The following SCGB2B2 variants were observed in gnomAD, a reference collection of about 807,000 sequenced individuals.
SCGB2B2 encodes secretoglobin family 2B member 2.
In SCGB2B2, 11 loss-of-function variants were observed where a neutral mutation model predicts 7.6. The observed-to-expected ratio is 1.45, with a 90% CI of 0.91 to 2.40. The LOEUF is 2.40. SCGB2B2 is among the 30% of genes most tolerant of loss of function. The pLI is 0.00. For missense variants in SCGB2B2, 104 were observed against 115.4 expected (o/e 0.90, Z 0.45); for synonymous variants, 50 against 48.6 (o/e 1.03, Z -0.12).
chr19:34,644,678 T>G (rs765938204), intron 1 of SCGB2B2, among the ~76,000 whole-genome samples: 1 of 152,242 alleles, frequency 6.6e-6, no homozygotes, highest in Non-Finnish European at 1.5e-5. Flanking sequence ...CACTTCGTTT[T>G]ATTTCTTAAG....
chr19:34,623,484 G>A (rs1274817919), intron 1 of SCGB2B2, among the ~76,000 whole-genome samples: 2 of 152,136 alleles, frequency 1.3e-5, no homozygotes, highest in Non-Finnish European at 2.9e-5. Flanking sequence ...CTGGGTCCTG[G>A]TGGCCATCAA....
At chr19:34,661,522 C>A (rs2067457017) in intron 1 of SCGB2B2, among the ~76,000 whole-genome samples, 1 of 152,208 alleles carries the variant, frequency 6.6e-6, no homozygotes, top group Non-Finnish European at 1.5e-5. Flanking sequence ...AGTAGAAGGA[C>A]TCCCTCTGCC....
rs1469284890 is a variant in SCGB2B2 at position 34,592,597 on chromosome 19, C to T, written c.*958G>A. 6.6e-6 allele frequency among the ~76,000 whole-genome samples: 1 copy of T among 152,028 alleles called. No homozygotes were observed. Among genetic ancestry groups the T allele is most frequent in the Non-Finnish European group, 1.5e-5 (1 of 67,992 alleles). On this transcript the variant is annotated 3_prime_UTR_variant, in exon 4 of 4. Coordinates refer to ENST00000601241, the MANE Select transcript of SCGB2B2 (RefSeq NM_001025591.4). ...AAAGGGCTTGAGGTTTGGGGAGGGACCTCCCCCAGAAGGAGTTGATGGAGC... is the reference window on the plus strand; with the variant it reads ...AAAGGGCTTGAGGTTTGGGGAGGGATCTCCCCCAGAAGGAGTTGATGGAGC...
intron 1 of SCGB2B2, among the ~76,000 whole-genome samples, chr19:34,612,262 C>T (rs2065954320): frequency 6.6e-6 from 1 of 151,600 alleles, no homozygotes; most frequent in Admixed American, 6.6e-5. Flanking sequence ...TGGTCTTGAT[C>T]TCCTGACATC....
At chr19:34,648,083 G>A (rs1406781665) in intron 1 of SCGB2B2, among the ~76,000 whole-genome samples, 2 of 152,198 alleles carry the variant, frequency 1.3e-5, no homozygotes, top group Non-Finnish European at 2.9e-5. Context: ...AGCCTGGGGA[G>A]AAGCAGGTTT....
chr19:34,668,734 T>C (rs2146194313), intron 1 of SCGB2B2, among the ~76,000 whole-genome samples: 1 of 152,306 alleles, frequency 6.6e-6, no homozygotes, highest in Non-Finnish European at 1.5e-5. Flanking sequence ...CTAGCTACTC[T>C]GGTGGGGACT....
intron 1 of SCGB2B2, among the ~76,000 whole-genome samples, chr19:34,620,571 C>G (rs1487816033): frequency 6.6e-6 from 1 of 151,650 alleles, no homozygotes; most frequent in Non-Finnish European, 1.5e-5. Context: ...ATGTAAATGA[C>G]AAGTTAATGG....
At chr19:34,589,495 A>T (rs2065250962), downstream of SCGB2B2, among the ~76,000 whole-genome samples, 1 of 152,136 alleles carries the variant, frequency 6.6e-6, no homozygotes, top group South Asian at 2.1e-4. Context: ...TTTGTATCCT[A>T]TTAGTAGGTC....
At chr19:34,596,696 AG>A in intron 1 of SCGB2B2, 102 bp from the exon 2 acceptor site, 1 of 152,400 alleles carries the variant, frequency 6.6e-6, no homozygotes. Context: ...GACCCTCCCC[AG>A]GGGGAAAAGC....
chr19:34,637,742 A>T (rs2066726203), intron 1 of SCGB2B2: 2 of 152,234 alleles, frequency 1.3e-5, no homozygotes, highest in Admixed American at 1.3e-4. Context: ...AGAGAGGAAA[A>T]TAATGAATGT....
chr19:34,612,504 T>C (rs1271835685), intron 1 of SCGB2B2, among the ~76,000 whole-genome samples: 1 of 152,248 alleles, frequency 6.6e-6, no homozygotes, highest in Non-Finnish European at 1.5e-5. Flanking sequence ...CCCAATCATA[T>C]TCTTTTCATC....
In SCGB2B2 at chr19:34,596,435, G is replaced by C. The variant is rs190607812; in HGVS notation, c.-1872C>G. 15 of 153,022 alleles carry C rather than the reference G, an allele frequency of 9.8e-5. No individual in the cohort carries two copies. Among genetic ancestry groups the C allele is most frequent in the African/African-American group, 3.6e-4 (15 of 41,600 alleles). The allele number at this position is 153,022 out of a possible 1,614,324, so 9.5% of individuals were successfully genotyped here. A position where few individuals can be genotyped will look rare whatever the true frequency, so the allele number is the denominator to read the frequency against. Reference sequence around the variant, plus strand: ...TGTGCGGGACGAGGCTTGGGTGCACGTGTGTGAGAATGGGATTTTGTGTGT... The same window carrying C: ...TGTGCGGGACGAGGCTTGGGTGCACCTGTGTGAGAATGGGATTTTGTGTGT... On this transcript the variant is annotated 5_prime_UTR_variant, in exon 2 of 4. Coordinates refer to ENST00000601241, the MANE Select transcript of SCGB2B2 (RefSeq NM_001025591.4).
intron 1 of SCGB2B2, among the ~76,000 whole-genome samples, chr19:34,673,574 T>C (rs1177918931): frequency 2.6e-5 from 4 of 152,186 alleles, no homozygotes; most frequent in African/African-American, 7.2e-5. Flanking sequence ...TTTTCTTATA[T>C]AGGGGTCTTA....
intron 1 of SCGB2B2, among the ~76,000 whole-genome samples, chr19:34,603,470 C>T (rs563898788): frequency 1.3e-5 from 2 of 152,278 alleles, no homozygotes; most frequent in South Asian, 4.1e-4. Flanking sequence ...TGTCCATACA[C>T]CACTCACTGC....
chr19:34,622,638 A>G (rs112561085), intron 1 of SCGB2B2, among the ~76,000 whole-genome samples: 1 of 152,196 alleles, frequency 6.6e-6, no homozygotes, highest in African/African-American at 2.4e-5. Flanking sequence ...CAGCTAAAAA[A>G]TTGAGGAGAG....
At chr19:34,599,649 A>G (rs2065563858) in intron 1 of SCGB2B2, among the ~76,000 whole-genome samples, 1 of 152,188 alleles carries the variant, frequency 6.6e-6, no homozygotes, top group Non-Finnish European at 1.5e-5. Flanking sequence ...TTATAGGCAT[A>G]CAATTCAAGA....
chr19:34,663,623 A>T (rs897290296), intron 1 of SCGB2B2, among the ~76,000 whole-genome samples: 1 of 152,208 alleles, frequency 6.6e-6, no homozygotes, highest in African/African-American at 2.4e-5. Context: ...GCTCACCATG[A>T]CCTTTCTTCA....
intron 1 of SCGB2B2, among the ~76,000 whole-genome samples, chr19:34,622,433 A>T (rs2066266372): frequency 6.6e-6 from 1 of 152,196 alleles, no homozygotes; most frequent in African/African-American, 2.4e-5. Context: ...GTACCTGGGT[A>T]TTCCTAGTTT....
intron 1 of SCGB2B2, among the ~76,000 whole-genome samples, chr19:34,668,200 G>A (rs2067690290): frequency 6.6e-6 from 1 of 152,194 alleles, no homozygotes; most frequent in African/African-American, 2.4e-5. Context: ...GGAGGGAGAG[G>A]CGCGAGCGGG....
Sources: allele counts gnomAD v4.1 joint callset (sites outside exome capture counted in the v4.1 genomes callset), GRCh38; gene constraint gnomAD v4.1.1; transcripts MANE v1.5; gene names NCBI Gene and HGNC (gene_info 2026-07-23, HGNC 2026-07-21).